SLC4A4: variants seen among roughly 807,000 people sequenced by gnomAD.
The protein encoded by SLC4A4 is solute carrier family 4 member 4.
SLC4A4 carries 27 observed loss-of-function variants against 111.5 expected under a neutral mutation model. The ratio of observed to expected loss-of-function variants is 0.24; its 90% CI spans 0.18 to 0.33. The LOEUF (loss-of-function observed/expected upper bound fraction) is 0.33. Ranked by LOEUF, SLC4A4 falls within the 10% of genes least tolerant of loss-of-function variation. The pLI, the probability that SLC4A4 is intolerant of heterozygous loss-of-function variation, is 1.00. For synonymous variants in SLC4A4, 443 were observed against 463.4 expected (o/e 0.96, Z 0.57); for missense variants, 909 against 1,315.5 (o/e 0.69, Z 4.78).
chr4:71,537,617 A>G (rs1000235618), intron 18 of SLC4A4, among the ~76,000 whole-genome samples: 1 of 151,024 alleles, frequency 6.6e-6, no homozygotes, highest in African/African-American at 2.4e-5. Context: ...ATCCTGGGAG[A>G]TTCTTTCTTT....
At chr4:71,152,452 C>T (rs564688068) in intron 2 of SLC4A4, among the ~76,000 whole-genome samples, 9 of 152,094 alleles carry the variant, frequency 5.9e-5, no homozygotes, top group Non-Finnish European at 1.2e-4. Flanking sequence ...TTCTTTCACT[C>T]GAGATTATGT....
chr4:71,195,403 A>G (rs1455388379), intron 1 of SLC4A4, among the ~76,000 whole-genome samples: 1 of 152,152 alleles, frequency 6.6e-6, no homozygotes, highest in Non-Finnish European at 1.5e-5. Flanking sequence ...ATTAGGTAGT[A>G]TACCTTGTGT....
chr4:71,483,043 G>T (rs1207557027), intron 14 of SLC4A4, among the ~76,000 whole-genome samples: 2 of 151,524 alleles, frequency 1.3e-5, no homozygotes, highest in Non-Finnish European at 3.0e-5. Context: ...TGTTCTTTCA[G>T]CTTTTTAGAA....
At chr4:71,339,559 A>G (rs1560423062) in intron 4 of SLC4A4, 54 bp downstream of exon 4, 5 of 1,573,510 alleles carry the variant, frequency 3.2e-6, no homozygotes, top group Non-Finnish European at 4.4e-6. Context: ...AGGGCAGGGC[A>G]AGATGCTTGA....
chr4:71,173,619 C>T (rs796937299), intron 2 of SLC4A4, among the ~76,000 whole-genome samples: 4 of 152,294 alleles, frequency 2.6e-5, no homozygotes, highest in African/African-American at 9.6e-5. Context: ...TCGTGATCTG[C>T]CTGCCTCAGC....
intron 4 of SLC4A4, among the ~76,000 whole-genome samples, chr4:71,341,310 A>G (rs556871924): frequency 6.6e-6 from 1 of 152,316 alleles, no homozygotes; most frequent in African/African-American, 2.4e-5. Flanking sequence ...GGGAAACCAA[A>G]TCATTATCCC....
chr4:71,100,926 T>G (rs576042606), intron 2 of SLC4A4, among the ~76,000 whole-genome samples: 1 of 152,118 alleles, frequency 6.6e-6, no homozygotes, highest in Non-Finnish European at 1.5e-5. Context: ...TACAAAACAC[T>G]GCTCAAAGAA....
chr4:71,246,398 A>G (rs1720658247), intron 2 of SLC4A4, among the ~76,000 whole-genome samples: 2 of 152,028 alleles, frequency 1.3e-5, no homozygotes. Flanking sequence ...GAGGAAAAGG[A>G]ATTTAGGTAG....
intron 6 of SLC4A4, among the ~76,000 whole-genome samples, chr4:71,372,080 A>G (rs926199926): frequency 3.9e-5 from 6 of 152,250 alleles, no homozygotes; most frequent in African/African-American, 1.4e-4. Context: ...TTAGCTAAAA[A>G]CAAATTTGTA....
chr4:71,357,656 A>C (rs1459012692), intron 6 of SLC4A4, among the ~76,000 whole-genome samples: 2 of 152,206 alleles, frequency 1.3e-5, no homozygotes, highest in Non-Finnish European at 2.9e-5. Context: ...ATAAATGATG[A>C]CTTCATCAAA....
At chr4:71,162,770 C>T (rs914745075) in intron 2 of SLC4A4, among the ~76,000 whole-genome samples, 5 of 152,250 alleles carry the variant, frequency 3.3e-5, no homozygotes, top group Non-Finnish European at 5.9e-5. Flanking sequence ...TTTACGGCTA[C>T]CATGTGTGGT....
intron 2 of SLC4A4, among the ~76,000 whole-genome samples, chr4:71,097,945 A>C (rs1237389410): frequency 6.6e-6 from 1 of 152,096 alleles, no homozygotes; most frequent in African/African-American, 2.4e-5. Context: ...ATAGTTTGCA[A>C]ATATTTTCTC....
intron 2 of SLC4A4, among the ~76,000 whole-genome samples, chr4:71,118,245 T>C (rs571732704): frequency 6.6e-6 from 1 of 152,338 alleles, no homozygotes; most frequent in Non-Finnish European, 1.5e-5. Context: ...GGATATCATA[T>C]ACTCTATTTC....
At chr4:71,073,417 T>C (rs879699390) in intron 1 of SLC4A4, among the ~76,000 whole-genome samples, 2 of 152,148 alleles carry the variant, frequency 1.3e-5, no homozygotes, top group African/African-American at 2.4e-5. Flanking sequence ...CCCTGGAGAA[T>C]ATGTTTTTAG....
intron 2 of SLC4A4, among the ~76,000 whole-genome samples, chr4:71,167,586 G>A (rs1056401757): frequency 1.3e-5 from 2 of 152,170 alleles, no homozygotes; most frequent in Admixed American, 6.5e-5. Context: ...TCAGGAGAAT[G>A]TAAGTGTTAT....
intron 2 of SLC4A4, among the ~76,000 whole-genome samples, chr4:71,108,697 A>T (rs1045384852): frequency 6.6e-6 from 1 of 152,096 alleles, no homozygotes; most frequent in Non-Finnish European, 1.5e-5. Flanking sequence ...AATTTGGGGA[A>T]TTTTTAGCCA....
chr4:71,510,260 C>A (rs1306398387), intron 16 of SLC4A4, among the ~76,000 whole-genome samples: 2 of 152,176 alleles, frequency 1.3e-5, no homozygotes, highest in Non-Finnish European at 2.9e-5. Context: ...CAGAAGGATG[C>A]CTTTTCCTTT....
In SLC4A4 at chr4:71,569,639, A is replaced by C. The variant is rs1274534184; in HGVS notation, c.*1888A>C. The stretch of plus-strand genomic sequence containing the variant: ...ACAACTGTGATATATCCTAACTATA[A>C]CCAGTTGTTGAGGGGTATACTAGAA... On this transcript the variant is annotated 3_prime_UTR_variant, in exon 26 of 26. Transcript: ENST00000264485. 3 of 151,676 alleles carry C rather than the reference A, an allele frequency of 2.0e-5. No individual in the cohort carries two copies. Among genetic ancestry groups the C allele is most frequent in the Non-Finnish European group, 4.4e-5 (3 of 67,768 alleles). 9.4% of individuals were successfully genotyped at this position (151,676 alleles called of 1,614,324 possible). A position where few individuals can be genotyped will look rare whatever the true frequency, so the allele number is the denominator to read the frequency against.
rs191018124 is a variant in SLC4A4 at position 71,455,071 on chromosome 4, G to T, written c.1497+1402G>T. 1.6e-4 allele frequency among the ~76,000 whole-genome samples: 25 copies of T among 152,320 alleles called. No individual in the cohort carries two copies. In the East Asian group the frequency reaches 4.8e-3, roughly 29 times the overall value. ...AAGAGCTCATGCTCCATCAGAAAGA[G>T]GCAGTTGCCACTCAGCTTTGCTTTT... On this transcript the variant is annotated intron_variant, in intron 12 of 25. Transcript: ENST00000264485.
Sources: gnomAD v4.1 joint callset for allele counts (sites outside exome capture counted in the v4.1 genomes callset) on GRCh38, gnomAD v4.1.1 for gene constraint, MANE v1.5 for transcripts, NCBI Gene and HGNC (gene_info 2026-07-23, HGNC 2026-07-21) for gene names.